The following CEP57L1 variants were observed in gnomAD, a reference collection of about 807,000 sequenced individuals.
CEP57L1 encodes centrosomal protein 57 like 1, also known as centrosomal protein CEP57L1.
In CEP57L1, 37 loss-of-function variants were observed where a neutral mutation model predicts 61.0. The observed-to-expected ratio is 0.61, with a 90% CI of 0.47 to 0.80. The LOEUF (loss-of-function observed/expected upper bound fraction) is 0.80. CEP57L1 is among the 30% of genes least tolerant of loss of function. The pLI is 0.00. For missense variants in CEP57L1, 422 were observed against 524.7 expected (o/e 0.80, Z 1.91); for synonymous variants, 137 against 162.3 (o/e 0.84, Z 1.19).
At chr6:109,121,651 A>G (rs77608624) in intron 1 of CEP57L1, among the ~76,000 whole-genome samples, 12,029 of 152,162 alleles carry the variant, frequency 0.079, 649 homozygotes, top group Middle Eastern at 0.2. Flanking sequence ...CCTGTGATGA[A>G]TTTTCCAATT....
chr6:109,095,365 AAGT>A, upstream of CEP57L1: 1 of 985,858 alleles, frequency 1.0e-6, no homozygotes, highest in South Asian at 4.7e-5. Flanking sequence ...ATCACCCTAA[AAGT>A]AGTGACGGCC....
chr6:109,172,611 A>ACAAAC lies in CEP57L1; in HGVS notation c.*9641_*9642insCAAAC, dbSNP rs1292528244. ...ATTGTTTTTTGTTTTCTGACCCAAA[A>ACAAAC]GTGATGTGCATTGCTTACCTATCAT... is the stretch of plus-strand genomic sequence containing the variant. On this transcript the variant is annotated 3_prime_UTR_variant, in exon 11 of 11. Coordinates refer to ENST00000517392, the MANE Select transcript of CEP57L1 (RefSeq NM_001271852.3). 6.6e-6 allele frequency among the ~76,000 whole-genome samples: 1 copy of ACAAAC among 152,156 alleles called. No homozygotes were observed. Among genetic ancestry groups the ACAAAC allele is most frequent in the African/African-American group, 2.4e-5 (1 of 41,428 alleles).
chr6:109,161,580 GAAGA>G (rs995730647), intron 10 of CEP57L1, among the ~76,000 whole-genome samples: 32 of 152,174 alleles, frequency 2.1e-4, no homozygotes, highest in African/African-American at 7.5e-4. Flanking sequence ...AGAAGGAAAG[GAAGA>G]AAGAAAGAAG....
At position 109,170,652 on chromosome 6, in the gene CEP57L1, A is replaced by C. The variant is rs1774360172; in HGVS notation, c.*7682A>C. Among the ~76,000 whole-genome samples the C allele has an allele frequency of 6.6e-6, 1 of 152,230 alleles. No homozygotes were observed. The highest frequency in any genetic ancestry group is 1.5e-5 in the Non-Finnish European group (1 of 68,036). On this transcript the variant is annotated 3_prime_UTR_variant, in exon 11 of 11. Transcript: ENST00000517392. ...ACATAAACCATTTTGGTGCACAGGA[A>C]ACCCACTTAAAATTAAATTTTAAAA... is the stretch of plus-strand genomic sequence containing the variant.
Position 109,159,083 on chromosome 6 carries a change from T to G in CEP57L1, c.803T>G (p.Leu268Arg). The change falls in exon 8 of 11, where the codon CTG becomes CGG. Residue 268 changes from leucine (L) to arginine (R), a missense_variant. Coordinates refer to ENST00000517392, the MANE Select transcript of CEP57L1 (RefSeq NM_001271852.3). The stretch of plus-strand genomic sequence containing the variant: ...CAAATTTGTTCAAAGTTTGGAGCAC[T>G]GCCTTTTGTGGCTGAAAAGGTGAGA... ...PWQICSKFGA[L>R]PFVAEKMRQH... 1.2e-6 allele frequency: 2 copies of G among 1,614,026 alleles called. No homozygotes were observed. The highest frequency in any genetic ancestry group is 1.7e-6 in the Non-Finnish European group (2 of 1,179,926).
intron 3 of CEP57L1, among the ~76,000 whole-genome samples, chr6:109,149,692 C>T (rs1299770334): frequency 1.3e-5 from 2 of 152,114 alleles, no homozygotes; most frequent in Non-Finnish European, 2.9e-5. Context: ...GGCATTGAAT[C>T]TATAAATTAC....
At chr6:109,098,028 T>C (rs1396842608) in intron 1 of CEP57L1, among the ~76,000 whole-genome samples, 2 of 152,184 alleles carry the variant, frequency 1.3e-5, no homozygotes, top group Non-Finnish European at 1.5e-5. Flanking sequence ...AACATGTAGG[T>C]GACTGAAAGG....
At chr6:109,112,928 A>G (rs1363672083) in intron 1 of CEP57L1, among the ~76,000 whole-genome samples, 2 of 152,240 alleles carry the variant, frequency 1.3e-5, no homozygotes, top group East Asian at 1.9e-4. Context: ...TTTTACTTCC[A>G]ATTATGTGGT....
In CEP57L1 at chr6:109,104,043, T is replaced by G. The variant is rs553767168; in HGVS notation, c.-4+8468T>G. Among the ~76,000 whole-genome samples, 7 of 151,286 alleles carry G rather than the reference T, an allele frequency of 4.6e-5. No individual in the cohort carries two copies. The South Asian group carries it at 8.3e-4, about 18-fold the overall frequency. On this transcript the variant is annotated intron_variant, in intron 1 of 10. Coordinates refer to ENST00000517392, the MANE Select transcript of CEP57L1 (RefSeq NM_001271852.3). ...TACCTAGTTTGCTTTAGTTTTTGTT[T>G]TTTTTTTTTTCAATGAAATGAAATA...
rs778636966 is a variant in CEP57L1 at position 109,159,392 on chromosome 6, T to C, written c.946T>C (p.Ser316Pro). ...CKAIPPDSEK[S>P]ISICDNLSEL... ...AGCTATTCCTCCTGACTCAGAAAAG[T>C]CCATTTCCATTTGTGACAATTTATC... Residue 316 changes from serine to proline, a missense_variant, in exon 9 of 11, where the codon TCC becomes CCC. Physicochemically the swap from Ser to Pro is moderately conservative, Grantham distance 74 (BLOSUM62 -1). Coordinates refer to ENST00000517392, the MANE Select transcript of CEP57L1 (RefSeq NM_001271852.3). 3.7e-6 allele frequency: 6 copies of C among 1,613,906 alleles called. No homozygotes were observed. The highest frequency in any genetic ancestry group is 5.1e-6 in the Non-Finnish European group (6 of 1,179,912).
At position 109,149,661 on chromosome 6, in the gene CEP57L1, C is replaced by A. The variant is rs1477714440; in HGVS notation, c.341-457C>A. On this transcript the variant is annotated intron_variant, in intron 3 of 10. Transcript: ENST00000517392. ...TTTTTTCCAATTCTGTGAAGAAAGT[C>A]ATTGGTAGCTTGATGGGGATGGCAT... Among the ~76,000 whole-genome samples, 3 of 152,134 alleles carry A rather than the reference C, an allele frequency of 2.0e-5. No individual in the cohort carries two copies. The East Asian group carries it at 5.8e-4, about 29-fold the overall frequency.
intron 1 of CEP57L1, among the ~76,000 whole-genome samples, chr6:109,127,548 T>C (rs1254958465): frequency 6.6e-6 from 1 of 152,086 alleles, no homozygotes; most frequent in Non-Finnish European, 1.5e-5. Flanking sequence ...TTTTTTTTAA[T>C]CTCCTTTGAG....
At chr6:109,128,383 T>C (rs1172890134) in intron 1 of CEP57L1, among the ~76,000 whole-genome samples, 1 of 152,226 alleles carries the variant, frequency 6.6e-6, no homozygotes, top group Non-Finnish European at 1.5e-5. Flanking sequence ...GTAAGTTCTT[T>C]TGATTATATC....
rs189764042 is a variant in CEP57L1, at chr6:109,134,017, A to C, written c.-3-11202A>C. On this transcript the variant is annotated intron_variant, in intron 1 of 10. Coordinates refer to ENST00000517392, the MANE Select transcript of CEP57L1 (RefSeq NM_001271852.3). The stretch of plus-strand genomic sequence containing the variant: ...AGCTGGTACCATTCCTTCTGAAACT[A>C]TTCCAATCAATAGAAAAACAGGGAA... 8.3e-3 allele frequency among the ~76,000 whole-genome samples: 1,260 copies of C among 152,304 alleles called. 23 individuals carry two copies. Among genetic ancestry groups the C allele is most frequent in the African/African-American group, 0.029 (1,212 of 41,556 alleles).
intron 7 of CEP57L1, chr6:109,157,606 G>T (rs968468081): frequency 1.3e-5 from 2 of 152,148 alleles, no homozygotes; most frequent in Non-Finnish European, 2.9e-5. Context: ...GGAATTGTTG[G>T]TTTTTCCAGG....
At position 109,147,945 on chromosome 6, in the gene CEP57L1, G is replaced by A. The variant is rs79041045; in HGVS notation, c.340+1008G>A. 7.9e-3 allele frequency among the ~76,000 whole-genome samples: 1,200 copies of A among 152,154 alleles called. 20 individuals are homozygous for A. The highest frequency in any genetic ancestry group is 0.028 in the African/African-American group (1,151 of 41,508). ...ACCAGTTCTGTGTAATTAATGAGCT[G>A]TTTACAAATGTATTTTCATAACTCT... On this transcript the variant is annotated intron_variant, in intron 3 of 10. Coordinates refer to ENST00000517392, the MANE Select transcript of CEP57L1 (RefSeq NM_001271852.3).
chr6:109,143,405 C>T (rs1771628526), intron 1 of CEP57L1, among the ~76,000 whole-genome samples: 1 of 152,146 alleles, frequency 6.6e-6, no homozygotes. Flanking sequence ...GTTTACAACA[C>T]AGGACCAGAT....
rs1290542518 is a variant in CEP57L1, at chr6:109,171,109, T to TCCC, written c.*8139_*8140insCCC. Among the ~76,000 whole-genome samples the TCCC allele has an allele frequency of 6.6e-5, 10 of 152,204 alleles. No individual in the cohort carries two copies. Among genetic ancestry groups the TCCC allele is most frequent in the African/African-American group, 2.2e-4 (9 of 41,442 alleles). On this transcript the variant is annotated 3_prime_UTR_variant, in exon 11 of 11. Transcript: ENST00000517392. ...AGCCAAAATTTCAAACAGGTTCTTT[T>TCCC]TTCTTTGTTCTTTTACAGAATGGCT...
intron 1 of CEP57L1, among the ~76,000 whole-genome samples, chr6:109,140,925 G>C (rs977078840): frequency 2.0e-5 from 3 of 151,578 alleles, no homozygotes; most frequent in African/African-American, 7.3e-5. Context: ...CCGCCTCCCG[G>C]GTTGACGCCA....
Sources: allele counts gnomAD v4.1 joint callset (sites outside exome capture counted in the v4.1 genomes callset), GRCh38; gene constraint gnomAD v4.1.1; transcripts MANE v1.5; gene names NCBI Gene and HGNC (gene_info 2026-07-23, HGNC 2026-07-21).